PDZRN4: variants seen among roughly 807,000 people sequenced by gnomAD.
PDZRN4 encodes PDZ domain containing ring finger 4.
In PDZRN4, 70 loss-of-function variants were observed where a neutral mutation model predicts 99.0. The ratio of observed to expected loss-of-function variants is 0.71; its 90% CI spans 0.58 to 0.86. The LOEUF (loss-of-function observed/expected upper bound fraction) is 0.86, where lower values mean the gene tolerates loss of function less well. PDZRN4 is among the 40% of genes least tolerant of loss of function. The pLI, the probability that PDZRN4 is intolerant of heterozygous loss-of-function variation, is 0.00. For synonymous variants in PDZRN4, 551 were observed against 501.6 expected, an observed-to-expected ratio of 1.10 and a Z score of -1.32; for missense variants, 1,474 against 1,331.2, an observed-to-expected ratio of 1.11 and a Z score of -1.67.
At position 41,555,762 on chromosome 12, in the gene PDZRN4, T is replaced by A; in HGVS notation, c.1365+2T>A. On this transcript the variant is annotated splice_donor_variant, in intron 7 of 9. Coordinates refer to ENST00000402685, the MANE Select transcript of PDZRN4 (RefSeq NM_001164595.2). LOFTEE classifies it high-confidence loss of function. Reference sequence around the variant, plus strand: ...CGAGAAGGGGATCGGATTTTGCAAGTAGGTGGTATAGTAATTTCCTTTAGT... The same window carrying A: ...CGAGAAGGGGATCGGATTTTGCAAGAAGGTGGTATAGTAATTTCCTTTAGT... 6.2e-7 allele frequency: 1 copy of A among 1,611,814 alleles called. No homozygotes were observed. Among genetic ancestry groups the A allele is most frequent in the Non-Finnish European group, 8.5e-7 (1 of 1,177,900 alleles).
chr12:41,237,844 A>G (rs1951077278), intron 3 of PDZRN4, among the ~76,000 whole-genome samples: 1 of 152,164 alleles, frequency 6.6e-6, no homozygotes. Context: ...TTTTTGTAGC[A>G]GTACCGTGCT....
At chr12:41,531,726 T>A (rs1938665341) in intron 5 of PDZRN4, among the ~76,000 whole-genome samples, 1 of 152,206 alleles carries the variant, frequency 6.6e-6, no homozygotes, top group African/African-American at 2.4e-5. Context: ...TCCGCATCAC[T>A]TCAGTATGTT....
At chr12:41,191,660 A>G (rs184985942) in intron 2 of PDZRN4, 116 bp downstream of exon 2, 359 of 540,422 alleles carry the variant, frequency 6.6e-4, no homozygotes, top group Non-Finnish European at 9.1e-4. Flanking sequence ...TTTGAGTAAG[A>G]AAAACAAGTG....
chr12:41,394,726 T>G (rs1260520615), intron 3 of PDZRN4, among the ~76,000 whole-genome samples: 2 of 151,946 alleles, frequency 1.3e-5, no homozygotes, highest in Middle Eastern at 3.2e-3. Context: ...TGCACCATCA[T>G]AGATTTTCTG....
intron 3 of PDZRN4, among the ~76,000 whole-genome samples, chr12:41,315,142 G>C (rs1056287460): frequency 6.6e-6 from 1 of 152,112 alleles, no homozygotes; most frequent in African/African-American, 2.4e-5. Flanking sequence ...CAGTCTGAAA[G>C]CTTATGAAGC....
rs1388070853 is a variant in PDZRN4, at chr12:41,509,911, G to T, written c.1201G>T (p.Glu401Ter). The T allele has an allele frequency of 6.7e-7, 1 of 1,490,634 alleles. No individual in the cohort carries two copies. The allele number at this position is 1,490,634 out of a possible 1,614,324, so 92.3% of individuals were successfully genotyped here. A position where few individuals can be genotyped will look rare whatever the true frequency, so the allele number is the denominator to read the frequency against. ...AGACAGAACAGAAGACTTTGAATAT[G>T]AGGTAAGGTCATTTTCATACCACTT... Reference protein sequence around the residue: ...DADRTEDFEYEEVELCRVSSQ... With the variant: ...DADRTEDFEY Residue 401 changes from glutamate (E) to a stop codon, truncating the protein, a stop_gained and splice_region_variant, in exon 5 of 10, where the codon GAG (glutamate) becomes TAG (stop). Transcript: ENST00000402685. LOFTEE classifies it high-confidence loss of function.
chr12:41,342,489 T>C (rs1250442344), intron 3 of PDZRN4, among the ~76,000 whole-genome samples: 2 of 151,604 alleles, frequency 1.3e-5, no homozygotes, highest in Non-Finnish European at 3.0e-5. Context: ...ATAAAGAACT[T>C]AAACAACTCC....
At chr12:41,452,156 C>T (rs1952780251) in intron 3 of PDZRN4, among the ~76,000 whole-genome samples, 1 of 151,260 alleles carries the variant, frequency 6.6e-6, no homozygotes, top group South Asian at 2.1e-4. Flanking sequence ...TAGGGAACTA[C>T]CTATGGCTCA....
At chr12:41,362,562 A>G (rs1364307002) in intron 3 of PDZRN4, among the ~76,000 whole-genome samples, 1 of 152,078 alleles carries the variant, frequency 6.6e-6, no homozygotes, top group Non-Finnish European at 1.5e-5. Flanking sequence ...TTCACAGAGT[A>G]GCCTAATGAT....
intron 3 of PDZRN4, among the ~76,000 whole-genome samples, chr12:41,407,385 C>G (rs2120364317): frequency 6.6e-6 from 1 of 152,294 alleles, no homozygotes; most frequent in Non-Finnish European, 1.5e-5. Context: ...GTGGGAAGGT[C>G]TGTCAAACAG....
chr12:41,481,379 A>G (rs1031641150), intron 3 of PDZRN4, among the ~76,000 whole-genome samples: 3 of 152,114 alleles, frequency 2.0e-5, no homozygotes, highest in Admixed American at 6.6e-5. Flanking sequence ...GAATGAAGCT[A>G]CATATACTTC....
intron 7 of PDZRN4, among the ~76,000 whole-genome samples, chr12:41,561,338 A>T (rs2122794): frequency 0.33 from 49,900 of 151,810 alleles, 8,887 homozygotes; most frequent in Admixed American, 0.39. Context: ...AACAATAACA[A>T]TAGCATCAAC....
intron 3 of PDZRN4, among the ~76,000 whole-genome samples, chr12:41,335,238 ATTTTCTTT>A (rs889518444): frequency 4.0e-5 from 6 of 151,106 alleles, no homozygotes; most frequent in African/African-American, 1.5e-4. Context: ...ATTTGCTATC[ATTTTCTTT>A]TTTTCTTTTT....
At chr12:41,335,305 T>G (rs923643207) in intron 3 of PDZRN4, among the ~76,000 whole-genome samples, 7 of 151,990 alleles carry the variant, frequency 4.6e-5, no homozygotes, top group African/African-American at 1.4e-4. Context: ...AGGGTACATG[T>G]GCACAATGTT....
At chr12:41,348,862 T>C (rs1294323136) in intron 3 of PDZRN4, among the ~76,000 whole-genome samples, 1 of 152,028 alleles carries the variant, frequency 6.6e-6, no homozygotes, top group Non-Finnish European at 1.5e-5. Context: ...TTTGTCAAGT[T>C]TTGGTGTAGT....
chr12:41,571,900 G>C (rs2120860726), intron 9 of PDZRN4, among the ~76,000 whole-genome samples: 1 of 152,306 alleles, frequency 6.6e-6, no homozygotes, highest in Admixed American at 6.5e-5. Flanking sequence ...TACTAAGCCA[G>C]TGAAGTTTCC....
At chr12:41,282,062 A>G (rs1395272397) in intron 3 of PDZRN4, among the ~76,000 whole-genome samples, 1 of 152,234 alleles carries the variant, frequency 6.6e-6, no homozygotes, top group African/African-American at 2.4e-5. Flanking sequence ...GCCCCAATTA[A>G]GAGGCAAAGA....
chr12:41,561,593 G>A (rs989063037), intron 7 of PDZRN4, among the ~76,000 whole-genome samples: 4 of 134,274 alleles, frequency 3.0e-5, no homozygotes, highest in Middle Eastern at 3.7e-3. Flanking sequence ...TATATATTAA[G>A]TTATATATAT....
intron 5 of PDZRN4, among the ~76,000 whole-genome samples, chr12:41,520,580 AATT>A (rs1024638984): frequency 2.0e-5 from 3 of 151,374 alleles, no homozygotes; most frequent in East Asian, 2.0e-4. Flanking sequence ...TTAAATTTGA[AATT>A]ATTATTTACT....
Sources: gnomAD v4.1 joint callset for allele counts (sites outside exome capture counted in the v4.1 genomes callset) on GRCh38, gnomAD v4.1.1 for gene constraint, MANE v1.5 for transcripts, NCBI Gene and HGNC (gene_info 2026-07-23, HGNC 2026-07-21) for gene names.